Variants in STK3 observed in about 807,000 individuals in gnomAD.
STK3 encodes serine/threonine kinase 3.
A neutral mutation model predicts 58.0 loss-of-function variants in STK3; 41 were observed. That is an observed-to-expected ratio of 0.71 (90% CI 0.55 to 0.92). The LOEUF (loss-of-function observed/expected upper bound fraction) is 0.92, where lower values mean the gene tolerates loss of function less well. Ranked by LOEUF, STK3 falls within the 40% of genes least tolerant of loss-of-function variation. STK3 has a pLI of 0.00. For synonymous variants in STK3, 170 were observed against 191.0 expected (o/e 0.89, Z 0.91); for missense variants, 479 against 602.7 (o/e 0.79, Z 2.15).
At chr8:98,347,611 G>GA in the STK3 span, among the ~76,000 whole-genome samples, 1 of 151,632 alleles carries the variant, frequency 6.6e-6, no homozygotes, top group Non-Finnish European at 1.5e-5. Context: ...GGGACAAATA[G>GA]AAAAAAATTA....
chr8:98,409,374 C>A (rs1818030891), intron 3 of STK3, among the ~76,000 whole-genome samples: 1 of 152,232 alleles, frequency 6.6e-6, no homozygotes, highest in African/African-American at 2.4e-5. Context: ...TCTAAGCCTT[C>A]TGTCTGCACG....
chr8:98,797,381 T>C (rs532487260), intron 1 of STK3, among the ~76,000 whole-genome samples: 1 of 152,274 alleles, frequency 6.6e-6, no homozygotes, highest in South Asian at 2.1e-4. Context: ...TTAGGACAAG[T>C]ATATCATGTG....
chr8:98,872,039 G>GT (rs1266377123), intron 3 of STK3, among the ~76,000 whole-genome samples: 1 of 152,134 alleles, frequency 6.6e-6, no homozygotes, highest in Admixed American at 6.5e-5. Context: ...TTTATTGAGA[G>GT]TTTTTAGCAT....
intron 1 of STK3, among the ~76,000 whole-genome samples, chr8:98,925,216 A>G (rs530323753): frequency 6.6e-6 from 1 of 152,232 alleles, no homozygotes; most frequent in South Asian, 2.1e-4. Context: ...CTGAAAACCC[A>G]TAAGAAATTT....
chr8:98,702,106 G>A (rs997556003), intron 6 of STK3, among the ~76,000 whole-genome samples: 3 of 152,108 alleles, frequency 2.0e-5, no homozygotes, highest in Non-Finnish European at 4.4e-5. Flanking sequence ...TCTTTGGGGG[G>A]AAGAAAAAGT....
chr8:98,353,680 G>A, the STK3 span, among the ~76,000 whole-genome samples: 2 of 152,134 alleles, frequency 1.3e-5, no homozygotes, highest in Non-Finnish European at 2.9e-5. Flanking sequence ...GCAGATGAAG[G>A]CAATAATCTC....
chr8:98,705,832 C>T (rs1239657836), intron 6 of STK3, among the ~76,000 whole-genome samples: 1 of 151,808 alleles, frequency 6.6e-6, no homozygotes, highest in African/African-American at 2.4e-5. Context: ...CATCACAAAC[C>T]CTGAAACACA....
At chr8:98,842,926 A>G (rs1422051941) in intron 3 of STK3, among the ~76,000 whole-genome samples, 1 of 152,082 alleles carries the variant, frequency 6.6e-6, no homozygotes, top group African/African-American at 2.4e-5. Context: ...CTAAGGTGGG[A>G]AGATTGCTTG....
intron 10 of STK3, among the ~76,000 whole-genome samples, chr8:98,492,308 T>A (rs1211546527): frequency 6.6e-6 from 1 of 152,204 alleles, no homozygotes; most frequent in Non-Finnish European, 1.5e-5. Context: ...AATTTCTGAT[T>A]TACTCCAAAA....
At chr8:98,798,858 C>T (rs576939374) in intron 1 of STK3, among the ~76,000 whole-genome samples, 6 of 152,306 alleles carry the variant, frequency 3.9e-5, no homozygotes, top group African/African-American at 1.4e-4. Context: ...CTCCTCACCT[C>T]GTGAATGGGA....
intron 8 of STK3, among the ~76,000 whole-genome samples, chr8:98,549,400 T>C (rs1427405196): frequency 2.0e-5 from 3 of 152,220 alleles, no homozygotes; most frequent in Admixed American, 2.0e-4. Context: ...GCCATTTGTA[T>C]ATCTTCTTTG....
intron 1 of STK3, among the ~76,000 whole-genome samples, chr8:98,779,805 G>A (rs1219869644): frequency 6.6e-6 from 1 of 152,030 alleles, no homozygotes; most frequent in Non-Finnish European, 1.5e-5. Flanking sequence ...CCAGTCTTTT[G>A]CTTATGGACA....
intron 3 of STK3, among the ~76,000 whole-genome samples, chr8:98,869,014 A>G (rs58422579): frequency 7.2e-5 from 9 of 124,424 alleles, no homozygotes; most frequent in African/African-American, 9.3e-5. Flanking sequence ...GAGAGAGAGA[A>G]AAAGGAAAGA....
At chr8:98,486,623 G>C (rs898549642) in intron 10 of STK3, among the ~76,000 whole-genome samples, 6 of 152,154 alleles carry the variant, frequency 3.9e-5, no homozygotes, top group African/African-American at 1.4e-4. Context: ...GAGTGTGAAA[G>C]TCCAAAGGAA....
intron 10 of STK3, among the ~76,000 whole-genome samples, chr8:98,473,237 C>T (rs1300336165): frequency 6.6e-6 from 1 of 152,144 alleles, no homozygotes; most frequent in East Asian, 1.9e-4. Context: ...CACCCATCTT[C>T]TACACCCCCT....
chr8:98,815,929 A>C (rs922515922), intron 1 of STK3, among the ~76,000 whole-genome samples: 16 of 152,180 alleles, frequency 1.1e-4, no homozygotes, highest in African/African-American at 3.6e-4. Context: ...CTAACATCAC[A>C]AAAAAGAAAG....
At chr8:98,617,152 A>C (rs1472515908) in intron 6 of STK3, among the ~76,000 whole-genome samples, 1 of 152,038 alleles carries the variant, frequency 6.6e-6, no homozygotes, top group Non-Finnish European at 1.5e-5. Context: ...TTCAAGATTA[A>C]GAATCTCACT....
intron 3 of STK3, among the ~76,000 whole-genome samples, chr8:98,847,883 A>G (rs910811492): frequency 2.6e-5 from 4 of 152,066 alleles, no homozygotes; most frequent in African/African-American, 9.7e-5. Context: ...GACTTCTCCA[A>G]ATGCACATGA....
At chr8:98,372,540 TG>T (rs1173509829) in intron 2 of STK3, among the ~76,000 whole-genome samples, 10 of 74,348 alleles carry the variant, frequency 1.3e-4, no homozygotes, top group African/African-American at 6.0e-4. Flanking sequence ...AGTGGTTTTT[TG>T]TTTTTTTTTT....
Sources: gnomAD v4.1 joint callset for allele counts (sites outside exome capture counted in the v4.1 genomes callset) on GRCh38, gnomAD v4.1.1 for gene constraint, MANE v1.5 for transcripts, NCBI Gene and HGNC (gene_info 2026-07-23, HGNC 2026-07-21) for gene names.